Variants in RYR3 observed in about 807,000 individuals in gnomAD.
The protein encoded by RYR3 is ryanodine receptor 3.
In RYR3, 207 loss-of-function variants were observed where a neutral mutation model predicts 584.3. The observed-to-expected ratio is 0.35, with a 90% confidence interval of 0.32 to 0.40. The LOEUF (loss-of-function observed/expected upper bound fraction) is 0.40. RYR3 is among the 10% of genes least tolerant of loss of function. RYR3 has a pLI of 1.00. For missense variants in RYR3, 5,616 were observed against 6,089.2 expected, an observed-to-expected ratio of 0.92 and a Z score of 2.59; for synonymous variants, 2,416 against 2,248.5, an observed-to-expected ratio of 1.07 and a Z score of -2.11.
chr15:33,483,430 G>C (rs2050146935), intron 2 of RYR3, among the ~76,000 whole-genome samples: 1 of 152,086 alleles, frequency 6.6e-6, no homozygotes. Flanking sequence ...TCTGTTGTCT[G>C]CCCCCTGAGG....
chr15:33,705,318 T>G (rs1231345021), intron 42 of RYR3, among the ~76,000 whole-genome samples: 4 of 152,146 alleles, frequency 2.6e-5, no homozygotes, highest in African/African-American at 9.7e-5. Context: ...TCTTGCTGAG[T>G]TTGGCCTTAT....
chr15:33,358,642 G>T lies in RYR3; in HGVS notation c.51+47546G>T, dbSNP rs192678056. ...CCTTGTCACACTTGTTGAAATCTGG[G>T]AAGTGGTATCGTTAAAAAAAAAAAA... On this transcript the variant is annotated intron_variant, in intron 1 of 103. Transcript: ENST00000634891. Among the ~76,000 whole-genome samples, 5 of 142,070 alleles carry T rather than the reference G, an allele frequency of 3.5e-5. No individual in the cohort carries two copies. The East Asian group carries it at 8.4e-4, about 24-fold the overall frequency. The allele number at this position is 142,070 out of a possible 152,430, so 93.2% of individuals were successfully genotyped here. A position where few individuals can be genotyped will look rare whatever the true frequency, so the allele number is the denominator to read the frequency against.
At chr15:33,490,593 C>A (rs976754681) in intron 2 of RYR3, among the ~76,000 whole-genome samples, 5 of 151,978 alleles carry the variant, frequency 3.3e-5, no homozygotes, top group Non-Finnish European at 7.4e-5. Flanking sequence ...TAAGCCATGG[C>A]ATTTAGGTTC....
intron 10 of RYR3, among the ~76,000 whole-genome samples, chr15:33,555,542 G>T (rs1483386673): frequency 6.6e-6 from 1 of 152,140 alleles, no homozygotes; most frequent in Admixed American, 6.5e-5. Context: ...AAAACCTTGG[G>T]CTTCGAAGTG....
rs1175942667 is a variant in RYR3 at position 33,310,983 on chromosome 15, C to A, written c.-63C>A. The A allele has an allele frequency of 2.2e-6, 3 of 1,341,208 alleles. No homozygotes were observed. The highest frequency in any genetic ancestry group is 1.3e-5 in the South Asian group (1 of 78,168). 83.1% of individuals were successfully genotyped at this position (1,341,208 alleles called of 1,614,324 possible). On this transcript the variant is annotated 5_prime_UTR_variant, in exon 1 of 104. Coordinates refer to ENST00000634891, the MANE Select transcript of RYR3 (RefSeq NM_001036.6). ...GAGCGCAGCAGCAGTCAGCGCACGC[C>A]GAGCGGCTGCCGGGGGAAGCAGAGG...
At chr15:33,757,401 T>C (rs985437122) in intron 59 of RYR3, 74 bp from the exon 60 acceptor site, 4 of 1,507,142 alleles carry the variant, frequency 2.7e-6, no homozygotes, top group South Asian at 1.2e-5. Flanking sequence ...TCACTGAAAA[T>C]AAACACTTTT....
At chr15:33,313,189 C>A (rs2140451444) in intron 1 of RYR3, among the ~76,000 whole-genome samples, 1 of 152,254 alleles carries the variant, frequency 6.6e-6, no homozygotes, top group South Asian at 2.1e-4. Context: ...TATGAGGCAC[C>A]TTAACATCTT....
intron 83 of RYR3, 88 bp downstream of exon 83, chr15:33,826,357 C>CT (rs2077380127): frequency 7.5e-7 from 1 of 1,339,892 alleles, no homozygotes; most frequent in Admixed American, 1.7e-5. Flanking sequence ...ACATTTTAGG[C>CT]TTGGTAGTTG....
At chr15:33,364,034 G>C (rs897241740) in intron 1 of RYR3, among the ~76,000 whole-genome samples, 39 of 152,092 alleles carry the variant, frequency 2.6e-4, no homozygotes, top group African/African-American at 9.2e-4. Flanking sequence ...CTTCTGAATT[G>C]AGGTGTGCAG....
chr15:33,746,805 T>TC (rs1341680986), intron 53 of RYR3, among the ~76,000 whole-genome samples: 58 of 70,130 alleles, frequency 8.3e-4, no homozygotes, highest in Middle Eastern at 0.012. Flanking sequence ...TCTTTCTTCT[T>TC]TTTTTTTTTT....
At chr15:33,720,615 G>T (rs1424533828) in intron 43 of RYR3, among the ~76,000 whole-genome samples, 1 of 152,224 alleles carries the variant, frequency 6.6e-6, no homozygotes, top group Non-Finnish European at 1.5e-5. Flanking sequence ...TGTAATCCCA[G>T]CACTTTGGGA....
At chr15:33,619,897 CTT>C (rs2060632360) in intron 19 of RYR3, among the ~76,000 whole-genome samples, 1 of 152,116 alleles carries the variant, frequency 6.6e-6, no homozygotes, top group African/African-American at 2.4e-5. Flanking sequence ...GTTGCTGCCT[CTT>C]TCTTTTCTGG....
intron 38 of RYR3, among the ~76,000 whole-genome samples, chr15:33,684,849 T>C (rs1566947492): frequency 1.3e-5 from 2 of 152,142 alleles, no homozygotes; most frequent in East Asian, 3.8e-4. Context: ...CAAACTAAGC[T>C]TCATAACTGA....
chr15:33,497,916 T>C (rs558556625), intron 2 of RYR3, among the ~76,000 whole-genome samples: 86 of 152,258 alleles, frequency 5.6e-4, no homozygotes, highest in African/African-American at 2.0e-3. Flanking sequence ...TCTCTACATC[T>C]ATGAGATCAA....
intron 12 of RYR3, among the ~76,000 whole-genome samples, chr15:33,576,873 A>T (rs1237220895): frequency 6.6e-6 from 1 of 152,214 alleles, no homozygotes; most frequent in African/African-American, 2.4e-5. Flanking sequence ...AAACCCCATC[A>T]TCTCAATCCA....
chr15:33,429,694 A>G (rs960513405), intron 1 of RYR3, among the ~76,000 whole-genome samples: 2 of 152,228 alleles, frequency 1.3e-5, no homozygotes, highest in Non-Finnish European at 2.9e-5. Flanking sequence ...CTTCCTTTAT[A>G]CATTTTACGT....
chr15:33,477,807 G>C (rs1163669105), intron 2 of RYR3, among the ~76,000 whole-genome samples: 1 of 131,636 alleles, frequency 7.6e-6, no homozygotes, highest in Admixed American at 7.1e-5. Context: ...CCCGGGAGGC[G>C]GAGGTTGCAG....
intron 1 of RYR3, among the ~76,000 whole-genome samples, chr15:33,355,988 G>A (rs16969995): frequency 0.078 from 11,927 of 152,246 alleles, 549 homozygotes; most frequent in Middle Eastern, 0.12. Context: ...ACAGAAGAGT[G>A]AGACCTTCAG....
chr15:33,664,592 T>TATATATATATATATATATATA (rs1464432627), intron 36 of RYR3, among the ~76,000 whole-genome samples: 6 of 122,338 alleles, frequency 4.9e-5, no homozygotes, highest in African/African-American at 2.3e-4. Flanking sequence ...TGTGTGTGTA[T>TATATATATATATATATATATA]ATATATATAT....
Sources: allele counts gnomAD v4.1 joint callset (sites outside exome capture counted in the v4.1 genomes callset), GRCh38; gene constraint gnomAD v4.1.1; transcripts MANE v1.5; gene names NCBI Gene and HGNC (gene_info 2026-07-23, HGNC 2026-07-21).